BCAS3: variants seen among roughly 807,000 people sequenced by gnomAD.
BCAS3 encodes the protein BCAS3 microtubule associated cell migration factor.
A neutral mutation model predicts 116.1 loss-of-function variants in BCAS3; 53 were observed. The observed-to-expected ratio is 0.46, with a 90% CI of 0.37 to 0.57. The LOEUF (loss-of-function observed/expected upper bound fraction) is 0.57, where lower values mean the gene tolerates loss of function less well. Ranked by LOEUF, BCAS3 falls within the 20% of genes least tolerant of loss-of-function variation. The pLI, the probability that BCAS3 is intolerant of heterozygous loss-of-function variation, is 0.00. For synonymous variants in BCAS3, 391 were observed against 408.2 expected, an observed-to-expected ratio of 0.96 and a Z score of 0.51; for missense variants, 917 against 1,165.4, an observed-to-expected ratio of 0.79 and a Z score of 3.10.
chr17:61,200,463 ACCTGAG>A lies in BCAS3; in HGVS notation c.2425+115901_2425+115906del. Reference sequence around the variant, plus strand: ...ATTATTCTTATTTCATAATAAAGGAACCTGAGCTTCAGAAAGGGCCCTCGGCTTGCC... The same window carrying A: ...ATTATTCTTATTTCATAATAAAGGAACTTCAGAAAGGGCCCTCGGCTTGCC... On this transcript the variant is annotated intron_variant, in intron 22 of 23. Transcript: ENST00000407086. This position sits in a 1 kb window ranked among gnomAD's most constrained non-coding sequence, Gnocchi z 5.1. Among the ~76,000 whole-genome samples the A allele has an allele frequency of 6.6e-6, 1 of 152,336 alleles. No individual in the cohort carries two copies. Among genetic ancestry groups the A allele is most frequent in the South Asian group, 2.1e-4 (1 of 4,826 alleles).
intron 14 of BCAS3, among the ~76,000 whole-genome samples, chr17:60,957,234 C>A (rs2061180204): frequency 6.6e-6 from 1 of 152,128 alleles, no homozygotes; most frequent in African/African-American, 2.4e-5. Context: ...TTAATTTTAC[C>A]ATTCTAGAAT....
chr17:60,742,840 A>G (rs370835360), intron 5 of BCAS3, among the ~76,000 whole-genome samples: 1 of 151,658 alleles, frequency 6.6e-6, no homozygotes, highest in East Asian at 2.0e-4. Flanking sequence ...TCGGCCAGGC[A>G]CGGTGGCTCA....
chr17:60,712,353 G>A (rs983172926), intron 5 of BCAS3, among the ~76,000 whole-genome samples: 5 of 151,548 alleles, frequency 3.3e-5, no homozygotes, highest in African/African-American at 1.2e-4. Context: ...TCCAGCCTGG[G>A]TGACAGAGTG....
Position 60,956,086 on chromosome 17 carries a change from T to C in BCAS3, c.1221+8734T>C, listed in dbSNP as rs2061118178. 6.6e-6 allele frequency among the ~76,000 whole-genome samples: 1 copy of C among 152,250 alleles called. No individual in the cohort carries two copies. Among genetic ancestry groups the C allele is most frequent in the Admixed American group, 6.5e-5 (1 of 15,284 alleles). ...AAATATGCCATTCTGCATTGAACTT[T>C]CAATTCATTCCTTTATTTACCTATC... On this transcript the variant is annotated intron_variant, in intron 14 of 23. Coordinates refer to ENST00000407086, the MANE Select transcript of BCAS3 (RefSeq NM_017679.5). This position sits in a 1 kb window ranked among gnomAD's most constrained non-coding sequence, Gnocchi z 4.2.
chr17:61,234,783 GAAAAAA>G (rs71148395), intron 22 of BCAS3, among the ~76,000 whole-genome samples: 1 of 143,172 alleles, frequency 7.0e-6, no homozygotes, highest in Non-Finnish European at 1.5e-5. Flanking sequence ...GCTTTTTCCA[GAAAAAA>G]AAAAAAAAAA....
At chr17:61,172,919 C>T (rs1438272247) in intron 22 of BCAS3, among the ~76,000 whole-genome samples, 1 of 151,634 alleles carries the variant, frequency 6.6e-6, no homozygotes, top group Non-Finnish European at 1.5e-5. Flanking sequence ...ACCCGGGAGG[C>T]GGAGCTTGCA....
intron 6 of BCAS3, among the ~76,000 whole-genome samples, chr17:60,802,295 A>AAAAAATAT (rs1299403402): frequency 2.2e-4 from 28 of 127,940 alleles, no homozygotes; most frequent in African/African-American, 9.8e-4. Flanking sequence ...AAAAAAAAAA[A>AAAAAATAT]ATATATATAT....
chr17:61,078,181 CA>C (rs2072211296), intron 20 of BCAS3, 151 bp from the exon 21 acceptor site: 2 of 617,728 alleles, frequency 3.2e-6, no homozygotes, highest in Non-Finnish European at 5.7e-6. Context: ...CTGTGATTAT[CA>C]TCACCTTTTA....
intron 5 of BCAS3, among the ~76,000 whole-genome samples, chr17:60,724,807 G>A (rs2039658873): frequency 6.8e-6 from 1 of 147,520 alleles, no homozygotes; most frequent in Non-Finnish European, 1.5e-5. Context: ...AAACAGCTTT[G>A]TATATGTGTG....
At chr17:60,924,329 T>C (rs2059256635) in intron 12 of BCAS3, 78 bp from the exon 13 acceptor site, 1 of 1,179,766 alleles carries the variant, frequency 8.5e-7, no homozygotes, top group South Asian at 1.2e-5. Flanking sequence ...TGGTTTGTGA[T>C]GTGCCTTCTT....
Position 61,084,766 on chromosome 17 carries a change from G to A in BCAS3, c.2425+202G>A, listed in dbSNP as rs751589896. On this transcript the variant is annotated intron_variant, in intron 22 of 23. Coordinates refer to ENST00000407086, the MANE Select transcript of BCAS3 (RefSeq NM_017679.5). The surrounding 1 kb of genome is among the most constrained non-coding windows in gnomAD (Gnocchi z 5.5). ...TTAAGCATTCCTAAGGTTGGTGAAT[G>A]ATGCAGTGGAGTTGGCACTTGATTA... 1.3e-5 allele frequency among the ~76,000 whole-genome samples: 2 copies of A among 152,346 alleles called. No homozygotes were observed. The highest frequency in any genetic ancestry group is 2.9e-5 in the Non-Finnish European group (2 of 68,034).
intron 19 of BCAS3, among the ~76,000 whole-genome samples, chr17:61,052,907 A>T (rs914005521): frequency 6.6e-6 from 1 of 151,414 alleles, no homozygotes; most frequent in Non-Finnish European, 1.5e-5. Context: ...TAGTAGGGAC[A>T]GGGTTTCACC....
intron 22 of BCAS3, among the ~76,000 whole-genome samples, chr17:61,247,072 C>A (rs1228095451): frequency 6.6e-6 from 1 of 152,060 alleles, no homozygotes; most frequent in Non-Finnish European, 1.5e-5. Flanking sequence ...ATATTAATTT[C>A]ACTGCTACTT....
At chr17:60,853,952 C>A (rs963372341) in intron 7 of BCAS3, among the ~76,000 whole-genome samples, 66 of 151,850 alleles carry the variant, frequency 4.3e-4, no homozygotes, top group Non-Finnish European at 7.4e-5. Flanking sequence ...GCACAATGTG[C>A]AGGTTTGTTA....
At chr17:60,687,903 A>G (rs1417808142) in intron 3 of BCAS3, 2 of 152,226 alleles carry the variant, frequency 1.3e-5, no homozygotes, top group Non-Finnish European at 2.9e-5. Flanking sequence ...GTGAAAGCAT[A>G]TAAGCCTCAT....
chr17:61,238,517 A>G (rs1285280597), intron 22 of BCAS3, among the ~76,000 whole-genome samples: 1 of 151,954 alleles, frequency 6.6e-6, no homozygotes, highest in African/African-American at 2.4e-5. Context: ...CACCACACCC[A>G]GGCACAAGAG....
intron 13 of BCAS3, among the ~76,000 whole-genome samples, chr17:60,935,681 A>T (rs973659431): frequency 1.7e-4 from 26 of 152,206 alleles, no homozygotes; most frequent in African/African-American, 6.0e-4. Context: ...TTGATACAGC[A>T]TGCTTGATGA....
chr17:60,801,678 A>G (rs1336586486), intron 6 of BCAS3, among the ~76,000 whole-genome samples: 3 of 152,170 alleles, frequency 2.0e-5, no homozygotes, highest in Non-Finnish European at 4.4e-5. Context: ...TCCTATAACA[A>G]TCTGTTTCTT....
At chr17:61,314,184 T>A (rs981549257) in intron 22 of BCAS3, among the ~76,000 whole-genome samples, 2 of 152,134 alleles carry the variant, frequency 1.3e-5, no homozygotes, top group African/African-American at 4.8e-5. Context: ...AGGGAGGAGA[T>A]TCACGTTTTG....
Sources: gnomAD v4.1 joint callset for allele counts (sites outside exome capture counted in the v4.1 genomes callset) on GRCh38, gnomAD v4.1.1 for gene constraint, Gnocchi (gnomAD v3.1) non-coding constraint, MANE v1.5 for transcripts, NCBI Gene and HGNC (gene_info 2026-07-23, HGNC 2026-07-21) for gene names.